SLC9A6: variants seen among roughly 807,000 people sequenced by gnomAD.
SLC9A6 encodes the protein sodium/hydrogen exchanger 6.
In SLC9A6, 6 loss-of-function variants were observed where a neutral mutation model predicts 45.3. The ratio of observed to expected loss-of-function variants is 0.13; its 90% CI spans 0.07 to 0.26. SLC9A6 has a LOEUF of 0.26. Ranked by LOEUF, SLC9A6 falls within the 10% of genes least tolerant of loss-of-function variation. The pLI, the probability that SLC9A6 is intolerant of heterozygous loss-of-function variation, is 1.00. For synonymous variants in SLC9A6, 191 were observed against 187.7 expected (o/e 1.02, Z -0.14); for missense variants, 278 against 503.7 (o/e 0.55, Z 4.29).
chrX:135,995,945 A>T (rs1264912828), intron 3 of SLC9A6, among the ~76,000 whole-genome samples: 1 of 107,094 alleles, frequency 9.3e-6, no homozygotes, highest in African/African-American at 3.5e-5. Context: ...GCTCAATGCC[A>T]CTTTGCTCAT....
chrX:135,995,625 G>A lies in SLC9A6; in HGVS notation c.369+640G>A, dbSNP rs1277439046. Among the ~76,000 whole-genome samples, 75 of 112,277 alleles carry A rather than the reference G, an allele frequency of 6.7e-4. 3 individuals carry two copies. Among genetic ancestry groups the A allele is most frequent in the Non-Finnish European group, 1.9e-5 (1 of 53,228 alleles). On this transcript the variant is annotated intron_variant, in intron 3 of 17. Coordinates refer to ENST00000630721, the MANE Select transcript of SLC9A6 (RefSeq NM_001379110.1). ...AGGCATGAGCCACTGCGCCCAGCCG[G>A]TCCTTATAGTTTTATAGTACTTCAG...
At chrX:136,038,865 T>TG (rs1462420613) in intron 16 of SLC9A6, among the ~76,000 whole-genome samples, 1 of 109,266 alleles carries the variant, frequency 9.2e-6, no homozygotes, top group Admixed American at 9.8e-5. Flanking sequence ...TACCAGAAGA[T>TG]GAAGACCTGG....
At chrX:136,018,250 AGTT>A (rs1379458389) in intron 11 of SLC9A6, among the ~76,000 whole-genome samples, 1 of 111,785 alleles carries the variant, frequency 8.9e-6, no homozygotes, top group Non-Finnish European at 1.9e-5. Context: ...TTCGTGAAAT[AGTT>A]GTTGTAGAGA....
upstream of SLC9A6, among the ~76,000 whole-genome samples, chrX:135,982,575 G>A (rs1169757148): frequency 1.8e-5 from 2 of 109,227 alleles, no homozygotes; most frequent in Non-Finnish European, 3.8e-5. Context: ...CTGGACTCAA[G>A]CCCTTTTCCT....
chrX:136,033,312 TTATAA>T (rs782654075), intron 15 of SLC9A6, 97 bp from the exon 16 acceptor site: 49 of 504,128 alleles, frequency 9.7e-5, no homozygotes, highest in Middle Eastern at 6.5e-4. Flanking sequence ...GGAGAGTGTC[TTATAA>T]TATAGTAGCC....
chrX:135,978,989 C>G (rs919774323), intron 1 of SLC9A6, among the ~76,000 whole-genome samples: 1 of 110,233 alleles, frequency 9.1e-6, no homozygotes, highest in African/African-American at 3.3e-5. Context: ...CTCCCTACTT[C>G]TTGTTTTCTT....
chrX:136,016,613 T>C (rs1556619286), intron 10 of SLC9A6, 32 bp from the exon 11 acceptor site: 1 of 759,681 alleles, frequency 1.3e-6, no homozygotes. Context: ...TAACTTTATT[T>C]GCTGGACTAA....
chrX:135,996,968 G>A (rs782635153), intron 3 of SLC9A6, among the ~76,000 whole-genome samples: 88 of 110,485 alleles, frequency 8.0e-4, no homozygotes, highest in African/African-American at 2.2e-3. Context: ...GGGTTTCACC[G>A]TGTTAGCCAG....
chrX:136,012,530 G>A (rs1389981052), intron 8 of SLC9A6, among the ~76,000 whole-genome samples: 2 of 112,736 alleles, frequency 1.8e-5, no homozygotes, highest in African/African-American at 6.4e-5. Flanking sequence ...AAGTGGTAGA[G>A]GATCAAATTC....
chrX:135,988,944 A>G (rs1603188787), intron 2 of SLC9A6, among the ~76,000 whole-genome samples: 1 of 110,303 alleles, frequency 9.1e-6, no homozygotes, highest in African/African-American at 3.3e-5. Context: ...TTCTAGTCCT[A>G]TTTATTGTCT....
chrX:136,001,367 C>T (rs1344474634), intron 6 of SLC9A6, among the ~76,000 whole-genome samples: 3 of 106,187 alleles, frequency 2.8e-5, no homozygotes, highest in African/African-American at 6.9e-5. Flanking sequence ...AACCAAAAGG[C>T]TCACCTCTCG....
rs1197856597 is a variant in SLC9A6 at position 136,046,114 on chromosome X, AAC to A, written c.*1392_*1393del. 1.8e-5 allele frequency: 2 copies of A among 112,415 alleles called. No homozygotes were observed. Among genetic ancestry groups the A allele is most frequent in the African/African-American group, 6.5e-5 (2 of 30,821 alleles). 9.3% of individuals were successfully genotyped at this position (112,415 alleles called of 1,213,427 possible). ...TGACCTGTTCATGATTCAGAAGAAA[AAC>A]AAACTTTTTTGGATTTTTTTTCCCT... On this transcript the variant is annotated 3_prime_UTR_variant, in exon 18 of 18. Coordinates refer to ENST00000630721, the MANE Select transcript of SLC9A6 (RefSeq NM_001379110.1).
chrX:135,994,997 A>T lies in SLC9A6; in HGVS notation c.369+12A>T. ...AAATGCTTAGAAAGGTAAGTTCTTA[A>T]AGGAAATCTTTGAATCTTTTTTGTG... is the stretch of plus-strand genomic sequence containing the variant. On this transcript the variant is annotated intron_variant, in intron 3 of 17. Coordinates refer to ENST00000630721, the MANE Select transcript of SLC9A6 (RefSeq NM_001379110.1). 8.9e-7 allele frequency: 1 copy of T among 1,121,118 alleles called. No individual in the cohort carries two copies. Among genetic ancestry groups the T allele is most frequent in the Non-Finnish European group, 1.2e-6 (1 of 814,388 alleles). 92.4% of individuals were successfully genotyped at this position (1,121,118 alleles called of 1,213,427 possible). A position where few individuals can be genotyped will look rare whatever the true frequency, so the allele number is the denominator to read the frequency against.
chrX:135,976,459 G>A (rs782079498), intron 1 of SLC9A6, among the ~76,000 whole-genome samples: 1 of 110,020 alleles, frequency 9.1e-6, no homozygotes, highest in East Asian at 2.8e-4. Context: ...AAAATTTGCC[G>A]GGCGTGGTGG....
Position 136,035,740 on chromosome X carries a change from TTTTG to T in SLC9A6, c.1661+2276_1661+2279del, listed in dbSNP as rs782184098. 5.5e-3 allele frequency among the ~76,000 whole-genome samples: 605 copies of T among 109,957 alleles called. 3 individuals are homozygous for T. Among genetic ancestry groups the T allele is most frequent in the Admixed American group, 9.1e-3 (93 of 10,274 alleles). On this transcript the variant is annotated intron_variant, in intron 16 of 17. Transcript: ENST00000630721. The stretch of plus-strand genomic sequence containing the variant: ...AGGACAAGTATATGTTTAACGTGTT[TTTTG>T]TTTGTTTGTTTGTTTGTTTGTTTGT...
At chrX:136,010,245 T>G in intron 7 of SLC9A6, 197 bp from the exon 8 acceptor site, 7 of 248,819 alleles carry the variant, frequency 2.8e-5, no homozygotes, top group Non-Finnish European at 4.4e-5. Context: ...GAAATTAACA[T>G]TTAAGGGAAA....
chrX:136,042,160 A>AT (rs2071522653), intron 17 of SLC9A6, among the ~76,000 whole-genome samples: 1 of 109,399 alleles, frequency 9.1e-6, no homozygotes, highest in African/African-American at 3.3e-5. Flanking sequence ...TTTAACCCAT[A>AT]ACAACCATCA....
chrX:135,975,495 T>A (rs1184073318), intron 1 of SLC9A6, among the ~76,000 whole-genome samples: 2 of 112,331 alleles, frequency 1.8e-5, no homozygotes, highest in African/African-American at 3.2e-5. Flanking sequence ...ATTTAACTAT[T>A]TATGTTTGTT....
At chrX:136,010,635 A>AC in intron 8 of SLC9A6, 52 bp downstream of exon 8, 1 of 1,069,469 alleles carries the variant, frequency 9.4e-7, no homozygotes, top group Non-Finnish European at 1.3e-6. Context: ...TAGTAGTTGA[A>AC]TGCTGTATTC....
Sources: gnomAD v4.1 joint callset for allele counts (sites outside exome capture counted in the v4.1 genomes callset) on GRCh38, gnomAD v4.1.1 for gene constraint, MANE v1.5 for transcripts, NCBI Gene and HGNC (gene_info 2026-07-23, HGNC 2026-07-21) for gene names.